MTMR9: variants seen among roughly 807,000 people sequenced by gnomAD.
MTMR9 encodes myotubularin related protein 9.
In MTMR9, 39 loss-of-function variants were observed where a neutral mutation model predicts 69.5. That is an observed-to-expected ratio of 0.56 (90% CI 0.43 to 0.73). The LOEUF is 0.73. MTMR9 is among the 30% of genes least tolerant of loss of function. The probability of loss-of-function intolerance (pLI) is 0.00; values close to 1 mark genes in which losing one functional copy is unlikely to be tolerated. For missense variants in MTMR9, 900 were observed against 671.2 expected (o/e 1.34, Z -3.77); for synonymous variants, 354 against 240.8 (o/e 1.47, Z -4.35).
At chr8:11,333,577 C>G in the MTMR9 span, among the ~76,000 whole-genome samples, 1 of 152,150 alleles carries the variant, frequency 6.6e-6, no homozygotes, top group South Asian at 2.1e-4. Flanking sequence ...AGTATCTCCA[C>G]GACAGATAAA....
chr8:11,329,962 G>A (rs1430417593), downstream of MTMR9, among the ~76,000 whole-genome samples: 9 of 151,326 alleles, frequency 5.9e-5, no homozygotes, highest in East Asian at 1.8e-3. Flanking sequence ...GTCTCTGCCC[G>A]GCCGCCCTGT....
At chr8:11,316,974 C>G in intron 8 of MTMR9, 81 bp downstream of exon 8, 2 of 849,644 alleles carry the variant, frequency 2.4e-6, no homozygotes, top group East Asian at 2.5e-5. Flanking sequence ...TCCTAGGAGA[C>G]GACGATTTGG....
At chr8:11,321,604 G>A (rs1402135820) in intron 9 of MTMR9, 1 of 419,380 alleles carries the variant, frequency 2.4e-6, no homozygotes, top group Non-Finnish European at 4.9e-6. Context: ...CCTAGAGCTG[G>A]GAGAAGAAGA....
downstream of MTMR9, among the ~76,000 whole-genome samples, chr8:11,329,026 T>C (rs1003040528): frequency 2.0e-5 from 3 of 152,238 alleles, no homozygotes; most frequent in African/African-American, 7.2e-5. Flanking sequence ...AACACTTTGT[T>C]GAAGAGACTG....
chr8:11,320,887 A>G (rs1800651478), intron 9 of MTMR9: 1 of 152,844 alleles, frequency 6.5e-6, no homozygotes, highest in South Asian at 2.1e-4. Context: ...CATAAAGTAT[A>G]CATACAAGAA....
the MTMR9 span, among the ~76,000 whole-genome samples, chr8:11,339,375 C>G: frequency 6.6e-6 from 1 of 152,222 alleles, no homozygotes; most frequent in African/African-American, 2.4e-5. Context: ...GGCCCCCGGC[C>G]TTTAATAATT....
At position 11,295,189 on chromosome 8, in the gene MTMR9, T is replaced by TA; in HGVS notation, c.183-4dup. 3.3e-6 allele frequency: 5 copies of TA among 1,534,456 alleles called. No individual in the cohort carries two copies. The highest frequency in any genetic ancestry group is 4.5e-6 in the Non-Finnish European group (5 of 1,115,064). On this transcript the variant is annotated splice_region_variant and splice_polypyrimidine_tract_variant and intron_variant, in intron 1 of 9. Coordinates refer to ENST00000221086, the MANE Select transcript of MTMR9 (RefSeq NM_015458.4). ...TTCCTAAACATGATTTGCAATTTCT[T>TA]ACAGATTTGTAGGATCACTGGGTAC...
chr8:11,306,686 A>T (rs900924364), intron 5 of MTMR9, among the ~76,000 whole-genome samples: 1 of 152,064 alleles, frequency 6.6e-6, no homozygotes, highest in Admixed American at 6.6e-5. Context: ...CATAGTTATC[A>T]TTTTTTTGGA....
chr8:11,302,273 AAGAG>A (rs2117394112), intron 3 of MTMR9, among the ~76,000 whole-genome samples: 2 of 111,372 alleles, frequency 1.8e-5, no homozygotes, highest in East Asian at 3.1e-4. Flanking sequence ...AAAAAAAAAA[AAGAG>A]GAAGACAAAA....
rs1800862260 is a variant in MTMR9, at chr8:11,324,950, G to C, written c.*2162G>C. ...GAAACTTGTGAGGGAGTTTGTATTAGGTCTGGTCATGGAGGGATGATGTAC... is the reference window on the plus strand; with the variant it reads ...GAAACTTGTGAGGGAGTTTGTATTACGTCTGGTCATGGAGGGATGATGTAC... On this transcript the variant is annotated 3_prime_UTR_variant, in exon 10 of 10. Transcript: ENST00000221086. The C allele has an allele frequency of 6.6e-6, 1 of 152,254 alleles. No homozygotes were observed. Among genetic ancestry groups the C allele is most frequent in the African/African-American group, 2.4e-5 (1 of 41,458 alleles). 9.4% of individuals were successfully genotyped at this position (152,254 alleles called of 1,614,324 possible). A position where few individuals can be genotyped will look rare whatever the true frequency, so the allele number is the denominator to read the frequency against.
At chr8:11,286,021 C>T (rs924035207) in intron 1 of MTMR9, among the ~76,000 whole-genome samples, 19 of 142,228 alleles carry the variant, frequency 1.3e-4, no homozygotes, top group Non-Finnish European at 2.1e-4. Context: ...TGGCCAATCT[C>T]GGCTCACTGT....
intron 8 of MTMR9, 196 bp from the exon 9 acceptor site, chr8:11,319,491 T>TTTGTTG: frequency 1.7e-6 from 1 of 577,868 alleles, no homozygotes. Context: ...TACTCTTTGT[T>TTTGTTG]TTGTTGTTGT....
intron 3 of MTMR9, 143 bp from the exon 4 acceptor site, chr8:11,304,698 T>C (rs1376036678): frequency 9.1e-6 from 7 of 769,660 alleles, no homozygotes; most frequent in Non-Finnish European, 1.5e-5. Flanking sequence ...TACTTACATA[T>C]AAGCTAGAGA....
intron 1 of MTMR9, among the ~76,000 whole-genome samples, chr8:11,292,154 A>G (rs1233287777): frequency 6.6e-6 from 1 of 152,142 alleles, no homozygotes; most frequent in African/African-American, 2.4e-5. Context: ...TCCATGTTGT[A>G]TATATCAATA....
intron 3 of MTMR9, among the ~76,000 whole-genome samples, chr8:11,304,499 A>G (rs1331625931): frequency 1.3e-5 from 2 of 152,210 alleles, no homozygotes; most frequent in African/African-American, 2.4e-5. Flanking sequence ...CTGTCTTTCA[A>G]ACATTTGATG....
In MTMR9 at chr8:11,323,609, A is replaced by T. The variant is rs1274968002; in HGVS notation, c.*821A>T. The T allele has an allele frequency of 6.6e-6, 1 of 152,240 alleles. No homozygotes were observed. The highest frequency in any genetic ancestry group is 1.5e-5 in the Non-Finnish European group (1 of 68,044). 9.4% of individuals were successfully genotyped at this position (152,240 alleles called of 1,614,324 possible). A position where few individuals can be genotyped will look rare whatever the true frequency, so the allele number is the denominator to read the frequency against. ...TTGTAAAATTAAACCATCATCTAGA[A>T]TAGAGTTAATTTATTATAATCAAGC... On this transcript the variant is annotated 3_prime_UTR_variant, in exon 10 of 10. Coordinates refer to ENST00000221086, the MANE Select transcript of MTMR9 (RefSeq NM_015458.4).
chr8:11,297,929 C>T (rs1320210982), intron 2 of MTMR9: 1 of 456,194 alleles, frequency 2.2e-6, no homozygotes. Context: ...CCACCCTTCC[C>T]CGAATACATC....
chr8:11,307,186 C>T (rs1377744030), intron 5 of MTMR9, among the ~76,000 whole-genome samples: 1 of 152,186 alleles, frequency 6.6e-6, no homozygotes, highest in African/African-American at 2.4e-5. Context: ...ATTCTCCTGT[C>T]TCAGCTTCCC....
At chr8:11,304,448 A>C (rs1799865456) in intron 3 of MTMR9, among the ~76,000 whole-genome samples, 1 of 152,226 alleles carries the variant, frequency 6.6e-6, no homozygotes, top group African/African-American at 2.4e-5. Context: ...GGATGTGCTT[A>C]ATATATTTAA....
Sources: gnomAD v4.1 joint callset for allele counts (sites outside exome capture counted in the v4.1 genomes callset) on GRCh38, gnomAD v4.1.1 for gene constraint, MANE v1.5 for transcripts, NCBI Gene and HGNC (gene_info 2026-07-23, HGNC 2026-07-21) for gene names.